PHLDB2: variants seen among roughly 807,000 people sequenced by gnomAD.
The protein encoded by PHLDB2 is pleckstrin homology like domain family B member 2.
A neutral mutation model predicts 123.6 loss-of-function variants in PHLDB2; 71 were observed. The ratio of observed to expected loss-of-function variants is 0.57; its 90% CI spans 0.47 to 0.70. The LOEUF (loss-of-function observed/expected upper bound fraction) is 0.70, where lower values mean the gene tolerates loss of function less well. PHLDB2 is among the 30% of genes least tolerant of loss of function. The probability of loss-of-function intolerance (pLI) is 0.00; values close to 1 mark genes in which losing one functional copy is unlikely to be tolerated. For synonymous variants in PHLDB2, 547 were observed against 541.6 expected, an observed-to-expected ratio of 1.01 and a Z score of -0.14; for missense variants, 1,446 against 1,519.5, an observed-to-expected ratio of 0.95 and a Z score of 0.80.
chr3:111,966,524 T>TGGGGGGTGTGTGTGTGTGTGTGTGTCTGG, intron 13 of PHLDB2, 89 bp from the exon 14 acceptor site: 2 of 501,554 alleles, frequency 4.0e-6, no homozygotes, highest in Admixed American at 7.0e-5. Context: ...TGTGTGTGTC[T>TGGGGGGTGTGTGTGTGTGTGTGTGTCTGG]GGGGTGTGTG....
chr3:111,780,399 A>AGAAGAGGAAG lies in PHLDB2; in HGVS notation c.-49+47701_-49+47702insGGAAGGAAGA, dbSNP rs2060407560. Among the ~76,000 whole-genome samples the AGAAGAGGAAG allele has an allele frequency of 8.5e-3, 635 of 74,424 alleles. 122 individuals carry two copies. Among genetic ancestry groups the AGAAGAGGAAG allele is most frequent in the Non-Finnish European group, 0.011 (392 of 34,308 alleles). The allele number at this position is 74,424 out of a possible 152,430, so 48.8% of individuals were successfully genotyped here. ...AAGAAGAAGAAGAAGAAGAAGAAGA[A>AGAAGAGGAAG]GAAGAAGAAGAAAAAGATTAGTTCG... On this transcript the variant is annotated intron_variant, in intron 1 of 17. Transcript: ENST00000393923.
intron 8 of PHLDB2, among the ~76,000 whole-genome samples, chr3:111,943,615 A>G (rs2070067285): frequency 6.6e-6 from 1 of 152,220 alleles, no homozygotes; most frequent in Non-Finnish European, 1.5e-5. Context: ...CAAAGAACGT[A>G]TATGAAGAAC....
At chr3:111,767,301 A>G (rs570126646) in intron 1 of PHLDB2, among the ~76,000 whole-genome samples, 1 of 152,158 alleles carries the variant, frequency 6.6e-6, no homozygotes, top group African/African-American at 2.4e-5. Flanking sequence ...GCTGTATTCA[A>G]CTTTGGCTCC....
intron 1 of PHLDB2, among the ~76,000 whole-genome samples, chr3:111,880,148 A>G (rs1464090679): frequency 6.6e-6 from 1 of 151,996 alleles, no homozygotes; most frequent in Non-Finnish European, 1.5e-5. Flanking sequence ...CCTTTTCTAT[A>G]ACAATGATGG....
intron 1 of PHLDB2, among the ~76,000 whole-genome samples, chr3:111,756,112 G>GA (rs1038749873): frequency 7.2e-5 from 11 of 152,138 alleles, no homozygotes; most frequent in African/African-American, 2.2e-4. Flanking sequence ...GTGTGGTGCT[G>GA]AAAAAAATGT....
intron 1 of PHLDB2, among the ~76,000 whole-genome samples, chr3:111,826,905 C>CTGA (rs990953683): frequency 6.6e-6 from 1 of 152,028 alleles, no homozygotes; most frequent in Non-Finnish European, 1.5e-5. Flanking sequence ...ACTGCCTCTG[C>CTGA]TGATGATGAT....
intron 1 of PHLDB2, among the ~76,000 whole-genome samples, chr3:111,763,156 A>C (rs1358167258): frequency 6.6e-6 from 1 of 152,212 alleles, no homozygotes; most frequent in African/African-American, 2.4e-5. Context: ...AATGCAAATC[A>C]AGGATTTTAG....
intron 13 of PHLDB2, 143 bp downstream of exon 13, chr3:111,962,455 TATC>T (rs1242286788): frequency 1.5e-6 from 1 of 653,830 alleles, no homozygotes; most frequent in African/African-American, 1.9e-5. Flanking sequence ...AGAGGGTTGG[TATC>T]ATGATGGCCT....
chr3:111,842,660 GT>G (rs1412129286), intron 1 of PHLDB2, among the ~76,000 whole-genome samples: 2 of 152,100 alleles, frequency 1.3e-5, no homozygotes, highest in Non-Finnish European at 2.9e-5. Context: ...CAATTCAATG[GT>G]TTTTAATATA....
intron 1 of PHLDB2, among the ~76,000 whole-genome samples, chr3:111,875,208 G>T (rs538579610): frequency 1.1e-4 from 17 of 152,012 alleles, no homozygotes; most frequent in Non-Finnish European, 2.9e-5. Flanking sequence ...GAGTGCAATG[G>T]CACAATCTCA....
intron 1 of PHLDB2, among the ~76,000 whole-genome samples, chr3:111,877,059 A>G (rs1452772503): frequency 6.6e-6 from 1 of 152,178 alleles, no homozygotes; most frequent in East Asian, 1.9e-4. Flanking sequence ...TAGTAGAATG[A>G]TTTATAATCC....
chr3:111,752,236 G>C (rs1343306085), intron 1 of PHLDB2, among the ~76,000 whole-genome samples: 1 of 143,490 alleles, frequency 7.0e-6, no homozygotes, highest in Non-Finnish European at 1.5e-5. Context: ...GTGTGTGTGT[G>C]TGTGTCTGTG....
At chr3:111,920,215 T>A (rs1034156852) in intron 4 of PHLDB2, 67 bp from the exon 5 acceptor site, 2 of 1,548,170 alleles carry the variant, frequency 1.3e-6, no homozygotes, top group Non-Finnish European at 1.7e-6. Flanking sequence ...CAAATGTATC[T>A]CTAGGGTGGT....
At chr3:111,907,233 C>G (rs1016875903) in intron 2 of PHLDB2, among the ~76,000 whole-genome samples, 4 of 152,158 alleles carry the variant, frequency 2.6e-5, no homozygotes, top group African/African-American at 9.7e-5. Context: ...TTCGATAATT[C>G]ACTAGAAAGA....
chr3:111,862,646 C>T (rs1018622802), intron 1 of PHLDB2, among the ~76,000 whole-genome samples: 1 of 152,088 alleles, frequency 6.6e-6, no homozygotes, highest in African/African-American at 2.4e-5. Context: ...GATTTGGATC[C>T]TCAAGAAACT....
At chr3:111,966,294 T>G (rs1012004219) in intron 13 of PHLDB2, among the ~76,000 whole-genome samples, 3 of 152,178 alleles carry the variant, frequency 2.0e-5, no homozygotes, top group Non-Finnish European at 2.9e-5. Flanking sequence ...AGTCACACTT[T>G]GTAAGATTTG....
chr3:111,967,384 A>C (rs2071846933), intron 14 of PHLDB2, among the ~76,000 whole-genome samples: 1 of 152,194 alleles, frequency 6.6e-6, no homozygotes, highest in Non-Finnish European at 1.5e-5. Flanking sequence ...AAAATGGGAG[A>C]GTTGCTGGTT....
At chr3:111,770,096 A>G (rs1174523196) in intron 1 of PHLDB2, among the ~76,000 whole-genome samples, 3 of 152,242 alleles carry the variant, frequency 2.0e-5, no homozygotes, top group Non-Finnish European at 4.4e-5. Flanking sequence ...AAACTGATGT[A>G]ATGAGAAAAA....
chr3:111,938,584 G>T (rs1270221827), intron 6 of PHLDB2, among the ~76,000 whole-genome samples: 5 of 151,912 alleles, frequency 3.3e-5, no homozygotes, highest in African/African-American at 7.3e-5. Context: ...AACTGAAAAA[G>T]AAAATAAACA....
Sources: allele counts gnomAD v4.1 joint callset (sites outside exome capture counted in the v4.1 genomes callset), GRCh38; gene constraint gnomAD v4.1.1; transcripts MANE v1.5; gene names NCBI Gene and HGNC (gene_info 2026-07-23, HGNC 2026-07-21).